PLCL1: variants seen among roughly 807,000 people sequenced by gnomAD.
The protein encoded by PLCL1 is inactive phospholipase C-like protein 1.
A neutral mutation model predicts 84.4 loss-of-function variants in PLCL1; 41 were observed. The ratio of observed to expected loss-of-function variants is 0.49; its 90% CI spans 0.38 to 0.63. PLCL1 has a LOEUF of 0.63. Among genes scored for constraint, PLCL1 ranks in the 30% least tolerant of loss-of-function variants. PLCL1 has a pLI of 0.00. For synonymous variants in PLCL1, 490 were observed against 488.3 expected, an observed-to-expected ratio of 1.00 and a Z score of -0.05; for missense variants, 1,206 against 1,367.8, an observed-to-expected ratio of 0.88 and a Z score of 1.87.
chr2:197,851,545 C>T (rs987206841), intron 1 of PLCL1, among the ~76,000 whole-genome samples: 12 of 152,122 alleles, frequency 7.9e-5, no homozygotes, highest in Non-Finnish European at 1.5e-4. Flanking sequence ...CTGCCTGAGC[C>T]GCTATAAGAA....
chr2:198,124,699 T>C (rs1693946452), intron 5 of PLCL1, among the ~76,000 whole-genome samples: 1 of 152,252 alleles, frequency 6.6e-6, no homozygotes, highest in South Asian at 2.1e-4. Context: ...CTGGGATGCC[T>C]CTATGAACAT....
intron 1 of PLCL1, among the ~76,000 whole-genome samples, chr2:197,897,961 T>C (rs1688187502): frequency 6.6e-6 from 1 of 152,248 alleles, no homozygotes; most frequent in Non-Finnish European, 1.5e-5. Flanking sequence ...TTAAAAGTTC[T>C]TATGCTACAG....
At chr2:198,008,014 T>A (rs1373416381) in intron 1 of PLCL1, among the ~76,000 whole-genome samples, 1 of 152,076 alleles carries the variant, frequency 6.6e-6, no homozygotes, top group Non-Finnish European at 1.5e-5. Context: ...TGATCATTAT[T>A]TCATTGTTTA....
At chr2:197,961,238 GGAGAGAGAGA>G (rs60411488) in intron 1 of PLCL1, among the ~76,000 whole-genome samples, 1 of 145,990 alleles carries the variant, frequency 6.8e-6, no homozygotes, top group Admixed American at 6.9e-5. Flanking sequence ...TTGGGAAGGT[GGAGAGAGAGA>G]GAGAGAGAGA....
chr2:197,834,790 C>A (rs144736983), intron 1 of PLCL1, among the ~76,000 whole-genome samples: 1,764 of 152,312 alleles, frequency 0.012, 12 homozygotes, highest in Non-Finnish European at 0.02. Flanking sequence ...CCAGCAATCC[C>A]ATTACTGGGT....
intron 5 of PLCL1, among the ~76,000 whole-genome samples, chr2:198,122,183 A>G (rs563228916): frequency 4.9e-4 from 74 of 152,192 alleles, no homozygotes; most frequent in African/African-American, 1.6e-3. Flanking sequence ...ATGAATTTAA[A>G]TCTGTGAAAA....
At chr2:198,059,704 A>G (rs745779397) in intron 1 of PLCL1, among the ~76,000 whole-genome samples, 6 of 152,138 alleles carry the variant, frequency 3.9e-5, no homozygotes, top group Non-Finnish European at 8.8e-5. Flanking sequence ...TTTTAAGTAC[A>G]ATCATGGAGT....
intron 1 of PLCL1, among the ~76,000 whole-genome samples, chr2:197,906,889 C>T (rs1053407298): frequency 6.6e-6 from 1 of 152,158 alleles, no homozygotes; most frequent in African/African-American, 2.4e-5. Flanking sequence ...TATAGGAATG[C>T]TTGTGATTTT....
intron 1 of PLCL1, among the ~76,000 whole-genome samples, chr2:197,989,037 A>C (rs903954677): frequency 5.9e-5 from 9 of 152,240 alleles, no homozygotes; most frequent in Non-Finnish European, 4.4e-5. Context: ...GAAAGAACTA[A>C]CTAGGGGACT....
intron 1 of PLCL1, among the ~76,000 whole-genome samples, chr2:198,075,411 A>G (rs1335442871): frequency 6.6e-6 from 1 of 152,238 alleles, no homozygotes; most frequent in Admixed American, 6.5e-5. Flanking sequence ...TTTTGTTCAA[A>G]TTGACGCAGC....
chr2:197,970,539 AC>A (rs1197018697), intron 1 of PLCL1, among the ~76,000 whole-genome samples: 7 of 152,256 alleles, frequency 4.6e-5, no homozygotes, highest in Non-Finnish European at 4.4e-5. Flanking sequence ...AAGTATGTGA[AC>A]TATCTCAATA....
At chr2:197,999,939 G>GA (rs1690561892) in intron 1 of PLCL1, among the ~76,000 whole-genome samples, 1 of 152,132 alleles carries the variant, frequency 6.6e-6, no homozygotes, top group Non-Finnish European at 1.5e-5. Flanking sequence ...ACACATAGCT[G>GA]AAAAACCTGT....
At chr2:197,863,620 AGAAG>A (rs1687473690) in intron 1 of PLCL1, among the ~76,000 whole-genome samples, 1 of 152,204 alleles carries the variant, frequency 6.6e-6, no homozygotes, top group Non-Finnish European at 1.5e-5. Flanking sequence ...GTTTTATACA[AGAAG>A]ATATCATAAA....
At chr2:197,844,090 G>A (rs1240437223) in intron 1 of PLCL1, among the ~76,000 whole-genome samples, 2 of 152,072 alleles carry the variant, frequency 1.3e-5, no homozygotes, top group African/African-American at 2.4e-5. Flanking sequence ...GAAGCTTATG[G>A]ACATTACTAT....
intron 1 of PLCL1, among the ~76,000 whole-genome samples, chr2:198,064,547 A>G (rs1023659425): frequency 7.9e-5 from 12 of 152,272 alleles, no homozygotes; most frequent in Admixed American, 5.2e-4. Context: ...ATCTATTAGA[A>G]ATTCTATATA....
At chr2:197,970,421 A>G (rs576866796) in intron 1 of PLCL1, among the ~76,000 whole-genome samples, 1 of 152,282 alleles carries the variant, frequency 6.6e-6, no homozygotes, top group African/African-American at 2.4e-5. Context: ...TTAAATCTCA[A>G]TGAGAGTTTT....
At chr2:197,829,118 T>A (rs1226063873) in intron 1 of PLCL1, among the ~76,000 whole-genome samples, 1 of 152,196 alleles carries the variant, frequency 6.6e-6, no homozygotes, top group Non-Finnish European at 1.5e-5. Context: ...TAGGCAAAAT[T>A]ATTTATTGTT....
At chr2:198,120,877 T>C (rs955312901) in intron 5 of PLCL1, among the ~76,000 whole-genome samples, 1 of 152,090 alleles carries the variant, frequency 6.6e-6, no homozygotes, top group African/African-American at 2.4e-5. Context: ...ATTTTCAGTT[T>C]TTTGAGGAAG....
At chr2:197,883,056 A>T (rs1687857843) in intron 1 of PLCL1, among the ~76,000 whole-genome samples, 1 of 152,140 alleles carries the variant, frequency 6.6e-6, no homozygotes, top group South Asian at 2.1e-4. Flanking sequence ...GTAGGTGATG[A>T]CGGGACAGAG....
Sources: allele counts gnomAD v4.1 joint callset (sites outside exome capture counted in the v4.1 genomes callset), GRCh38; gene constraint gnomAD v4.1.1; transcripts MANE v1.5; gene names NCBI Gene and HGNC (gene_info 2026-07-23, HGNC 2026-07-21).